Variants in RELN observed in about 807,000 individuals in gnomAD.
The protein encoded by RELN is reelin.
A neutral mutation model predicts 427.6 loss-of-function variants in RELN; 108 were observed. The ratio of observed to expected loss-of-function variants is 0.25; its 90% CI spans 0.22 to 0.30. RELN has a LOEUF of 0.30. Ranked by LOEUF, RELN falls within the 10% of genes least tolerant of loss-of-function variation. The pLI is 1.00. For missense variants in RELN, 3,715 were observed against 4,302.8 expected (o/e 0.86, Z 3.82); for synonymous variants, 1,524 against 1,513.4 (o/e 1.01, Z -0.16).
intron 4 of RELN, among the ~76,000 whole-genome samples, chr7:103,775,315 G>A (rs1349844989): frequency 2.0e-5 from 3 of 152,054 alleles, no homozygotes; most frequent in East Asian, 3.9e-4. Flanking sequence ...TTAAACCCAG[G>A]AATACTGATA....
At chr7:103,859,589 G>A (rs752358042) in intron 2 of RELN, among the ~76,000 whole-genome samples, 49 of 152,094 alleles carry the variant, frequency 3.2e-4, no homozygotes, top group Non-Finnish European at 5.3e-4. Context: ...CACGGCACCC[G>A]GCCAAAGGTT....
rs1252984835 is a variant in RELN at position 103,575,710 on chromosome 7, T to C, written c.4146-5A>G. 2 of 1,614,130 alleles carry C rather than the reference T, an allele frequency of 1.2e-6. No individual in the cohort carries two copies. Among genetic ancestry groups the C allele is most frequent in the Admixed American group, 1.7e-5 (1 of 60,022 alleles). ...ATCCATCGGAATCTGGTCTTGCTGT[T>C]GGGAAAAACAACACACCTGTTTCTT... On this transcript the variant is annotated splice_region_variant and splice_polypyrimidine_tract_variant and intron_variant, in intron 28 of 64. Coordinates refer to ENST00000428762, the MANE Select transcript of RELN (RefSeq NM_005045.4).
At chr7:103,930,310 T>A (rs929113613) in intron 1 of RELN, among the ~76,000 whole-genome samples, 1 of 151,984 alleles carries the variant, frequency 6.6e-6, no homozygotes, top group Non-Finnish European at 1.5e-5. Flanking sequence ...ATTAGGGCCA[T>A]CCCAATGACC....
chr7:103,528,765 G>A (rs1047219473), intron 46 of RELN, among the ~76,000 whole-genome samples: 5 of 151,568 alleles, frequency 3.3e-5, no homozygotes, highest in East Asian at 2.0e-4. Flanking sequence ...ATGACTTGAG[G>A]TGATTCGCCT....
chr7:103,490,067 C>T (rs1266762006), intron 59 of RELN, among the ~76,000 whole-genome samples, 168 bp from the exon 60 acceptor site: 1 of 152,216 alleles, frequency 6.6e-6, no homozygotes, highest in East Asian at 1.9e-4. Context: ...TTCTTAGACT[C>T]TGGGAGTATA....
chr7:103,532,086 T>C, intron 46 of RELN, among the ~76,000 whole-genome samples: 1 of 152,008 alleles, frequency 6.6e-6, no homozygotes, highest in African/African-American at 2.4e-5. Context: ...GTGGTACATA[T>C]ACACCATGGA....
chr7:103,935,490 C>T (rs564516042), intron 1 of RELN, among the ~76,000 whole-genome samples: 51 of 152,054 alleles, frequency 3.4e-4, no homozygotes, highest in Non-Finnish European at 7.4e-4. Context: ...ACCTCCCCAA[C>T]CCTAAAGGCC....
chr7:103,633,280 GA>G (rs1562932119), intron 19 of RELN, among the ~76,000 whole-genome samples: 2 of 151,884 alleles, frequency 1.3e-5, no homozygotes, highest in Non-Finnish European at 2.9e-5. Context: ...TACACTGAAG[GA>G]AATATAGCAA....
At chr7:103,483,027 G>T (rs1465548030) in intron 62 of RELN, 56 bp from the exon 63 acceptor site, 2 of 1,376,120 alleles carry the variant, frequency 1.5e-6, no homozygotes, top group Non-Finnish European at 2.1e-6. Flanking sequence ...GAACTTTTTG[G>T]TATTTGACTT....
intron 10 of RELN, among the ~76,000 whole-genome samples, chr7:103,686,999 C>T (rs1049314608): frequency 2.6e-5 from 4 of 152,100 alleles, no homozygotes; most frequent in African/African-American, 7.2e-5. Context: ...TAGATTCAAC[C>T]ATGGTGAGTG....
chr7:103,652,868 A>C, intron 13 of RELN, 109 bp from the exon 14 acceptor site: 1 of 908,822 alleles, frequency 1.1e-6, no homozygotes, highest in Non-Finnish European at 1.8e-6. Flanking sequence ...GCCATTTATT[A>C]AGCACCAGGA....
rs767932869 is a variant in RELN, at chr7:103,497,859, G to A, written c.8911C>T (p.Arg2971Trp). 12 of 1,613,938 alleles carry A rather than the reference G, an allele frequency of 7.4e-6. No homozygotes were observed. The highest frequency in any genetic ancestry group is 4.0e-5 in the African/African-American group (3 of 74,866). The change falls in exon 55 of 65, where the codon CGG becomes TGG. Residue 2971 changes from arginine (R) to tryptophan (W), a missense_variant. This residue lies in a region of RELN where 1,310 missense variants were observed against 1,643.0 expected (regional missense o/e 0.80). Coordinates refer to ENST00000428762, the MANE Select transcript of RELN (RefSeq NM_005045.4). The stretch of plus-strand genomic sequence containing the variant: ...TAGTCCAACAGCACGCCTTCCTTCC[G>A]GCAGATGGGACGATGGCAAGAGGTC... ...NMTSCHRPIC[R>W]KEGVLLDYST...
chr7:103,677,696 G>A (rs986112090), intron 11 of RELN, among the ~76,000 whole-genome samples: 2 of 148,820 alleles, frequency 1.3e-5, no homozygotes, highest in Non-Finnish European at 3.0e-5. Flanking sequence ...AACCCAGGAG[G>A]CGGAGGTTGC....
intron 11 of RELN, among the ~76,000 whole-genome samples, chr7:103,665,323 A>C (rs1833237148): frequency 6.6e-6 from 1 of 150,432 alleles, no homozygotes; most frequent in Non-Finnish European, 1.5e-5. Flanking sequence ...AACCAATTTA[A>C]ATATCATACA....
intron 1 of RELN, among the ~76,000 whole-genome samples, chr7:103,969,148 C>A (rs1267681026): frequency 6.0e-5 from 9 of 150,418 alleles, no homozygotes; most frequent in African/African-American, 4.9e-5. Context: ...TTTGCATTTG[C>A]AAAAAAAAAA....
intron 8 of RELN, among the ~76,000 whole-genome samples, chr7:103,706,964 G>A (rs910837740): frequency 1.3e-5 from 2 of 152,022 alleles, no homozygotes; most frequent in African/African-American, 4.8e-5. Context: ...ACCCAAACCT[G>A]TAGACCCTCC....
intron 11 of RELN, among the ~76,000 whole-genome samples, chr7:103,670,222 G>C (rs1833360603): frequency 6.6e-6 from 1 of 152,082 alleles, no homozygotes; most frequent in Non-Finnish European, 1.5e-5. Flanking sequence ...TGCATTCTTG[G>C]TAGGGTAGCT....
At chr7:103,880,088 C>A (rs1794572161) in intron 2 of RELN, among the ~76,000 whole-genome samples, 1 of 151,872 alleles carries the variant, frequency 6.6e-6, no homozygotes, top group South Asian at 2.1e-4. Flanking sequence ...TCATTCTGCC[C>A]AACAGTAGCC....
At position 103,989,616 on chromosome 7, in the gene RELN, G is replaced by GCGCCGC. The variant is rs1234635414; in HGVS notation, c.-266_-261dup. 5.9e-6 allele frequency: 2 copies of GCGCCGC among 337,796 alleles called. No homozygotes were observed. Among genetic ancestry groups the GCGCCGC allele is most frequent in the Admixed American group, 5.1e-5 (1 of 19,652 alleles). 20.9% of individuals were successfully genotyped at this position (337,796 alleles called of 1,614,324 possible). ...AGAGCGCGTCGTCTGCCGCCTCCGT[G>GCGCCGC]CGCCGCCGCCGCCTCTGCGCGACGC... On this transcript the variant is annotated 5_prime_UTR_variant, in exon 1 of 65. Coordinates refer to ENST00000428762, the MANE Select transcript of RELN (RefSeq NM_005045.4). This position sits in a 1 kb window ranked among gnomAD's most constrained non-coding sequence, Gnocchi z 4.9.
Sources: allele counts gnomAD v4.1 joint callset (sites outside exome capture counted in the v4.1 genomes callset), GRCh38; gene constraint gnomAD v4.1.1; regional missense constraint gnomAD v4.1.1; non-coding constraint Gnocchi (gnomAD v3.1); transcripts MANE v1.5; gene names NCBI Gene and HGNC (gene_info 2026-07-23, HGNC 2026-07-21).